Variants in FUBP3 observed in about 807,000 individuals in gnomAD.
FUBP3 encodes far upstream element-binding protein 3.
Under a neutral mutation model 85.6 loss-of-function variants are expected in FUBP3, and 28 were observed. The ratio of observed to expected loss-of-function variants is 0.33; its 90% CI spans 0.24 to 0.45. FUBP3 has a LOEUF of 0.45. FUBP3 is among the 20% of genes least tolerant of loss of function. FUBP3 has a pLI of 1.00. For synonymous variants in FUBP3, 271 were observed against 271.4 expected (o/e 1.00, Z 0.01); for missense variants, 583 against 755.1 (o/e 0.77, Z 2.67).
intron 1 of FUBP3, among the ~76,000 whole-genome samples, chr9:130,590,006 C>T (rs1830549020): frequency 6.8e-6 from 1 of 146,154 alleles, no homozygotes; most frequent in Non-Finnish European, 1.5e-5. Context: ...TGAGCCACCA[C>T]ACCCGGCCTA....
At chr9:130,632,455 T>G (rs1241944026) in intron 16 of FUBP3, among the ~76,000 whole-genome samples, 177 bp downstream of exon 16, 2 of 152,214 alleles carry the variant, frequency 1.3e-5, no homozygotes, top group African/African-American at 4.8e-5. Flanking sequence ...CCAGGGGTTG[T>G]GCATGCTCAG....
intron 1 of FUBP3, among the ~76,000 whole-genome samples, chr9:130,593,079 C>A (rs1470416176): frequency 6.6e-6 from 1 of 152,202 alleles, no homozygotes; most frequent in East Asian, 1.9e-4. Flanking sequence ...ACAAGTTCCT[C>A]TGCCTAGAAC....
At chr9:130,629,231 C>T (rs572027151) in intron 12 of FUBP3, among the ~76,000 whole-genome samples, 2 of 152,308 alleles carry the variant, frequency 1.3e-5, no homozygotes, top group African/African-American at 4.8e-5. Flanking sequence ...TGGGTGCTGG[C>T]CCGGTGTCCC....
At chr9:130,617,676 A>G (rs1188899133) in intron 7 of FUBP3, 121 bp from the exon 8 acceptor site, 5 of 750,286 alleles carry the variant, frequency 6.7e-6, no homozygotes, top group African/African-American at 1.7e-5. Context: ...GTTGGAAGGC[A>G]GTCCCTGGTG....
In FUBP3 at chr9:130,630,784, T is replaced by C. The variant is rs1830179806; in HGVS notation, c.1274T>C (p.Val425Ala). Reference sequence around the variant, plus strand: ...GCCAGGCAGCTCATAGATGAGAAAGTTGGCGTACGTACAGGGTCCTTCCCC... The same window carrying C: ...GCCAGGCAGCTCATAGATGAGAAAGCTGGCGTACGTACAGGGTCCTTCCCC... Reference protein sequence around the residue: ...EVARQLIDEKVGGTNLGAPGA... With the variant: ...EVARQLIDEKAGGTNLGAPGA... Residue 425 changes from valine to alanine, a missense_variant, in exon 13 of 19, where the codon GTT becomes GCT. Val to Ala is a moderately conservative substitution (Grantham distance 64). This residue lies in a region of FUBP3 where 404 missense variants were observed against 516.8 expected (regional missense o/e 0.78). Coordinates refer to ENST00000319725, the MANE Select transcript of FUBP3 (RefSeq NM_003934.2). 1 of 1,500,856 alleles carries C rather than the reference T, an allele frequency of 6.7e-7. No individual in the cohort carries two copies. Among genetic ancestry groups the C allele is most frequent in the Non-Finnish European group, 8.9e-7 (1 of 1,126,800 alleles). 93.0% of individuals were successfully genotyped at this position (1,500,856 alleles called of 1,614,324 possible). A position where few individuals can be genotyped will look rare whatever the true frequency, so the allele number is the denominator to read the frequency against.
intron 1 of FUBP3, 117 bp downstream of exon 1, chr9:130,579,881 C>A: frequency 3.4e-6 from 2 of 585,826 alleles, no homozygotes; most frequent in African/African-American, 1.9e-5. Flanking sequence ...CTCAGCCGGG[C>A]CGGGCCGTTC....
At chr9:130,591,010 T>TG (rs1274583261) in intron 1 of FUBP3, among the ~76,000 whole-genome samples, 4 of 86,550 alleles carry the variant, frequency 4.6e-5, no homozygotes, top group Non-Finnish European at 9.0e-5. Flanking sequence ...TTTTTGTTTG[T>TG]TTTTGTTTTT....
At chr9:130,633,216 T>C (rs1459329482) in intron 16 of FUBP3, among the ~76,000 whole-genome samples, 1 of 152,254 alleles carries the variant, frequency 6.6e-6, no homozygotes, top group Non-Finnish European at 1.5e-5. Context: ...GCTCTGAAAT[T>C]GTATAGTTGT....
intron 12 of FUBP3, among the ~76,000 whole-genome samples, chr9:130,629,554 C>T (rs1830128157): frequency 1.3e-5 from 2 of 152,156 alleles, no homozygotes; most frequent in African/African-American, 4.8e-5. Context: ...TCCCTACTGG[C>T]CCGATAGGCT....
In FUBP3 at chr9:130,621,797, C is replaced by T. The variant is rs995785455; in HGVS notation, c.772-911C>T. ...ACGCGTGCCTGTAGTCCCAGCTACT[C>T]GGGAGGCTGAGGCAGGAGAATGGCG... On this transcript the variant is annotated intron_variant, in intron 9 of 18. Transcript: ENST00000319725. Among the ~76,000 whole-genome samples, 4 of 151,148 alleles carry T rather than the reference C, an allele frequency of 2.6e-5. No individual in the cohort carries two copies. In the South Asian group the frequency reaches 6.3e-4, roughly 24 times the overall value.
intron 3 of FUBP3, among the ~76,000 whole-genome samples, chr9:130,610,765 C>A (rs924987747): frequency 6.6e-6 from 1 of 152,146 alleles, no homozygotes; most frequent in Non-Finnish European, 1.5e-5. Context: ...TGTATTCTGC[C>A]TAGGTGTTTG....
rs1176834774 is a variant in FUBP3 at position 130,589,685 on chromosome 9, A to T, written c.85-5798A>T. Reference sequence around the variant, plus strand: ...TGTATGTATGTGTGTGTATATATATATATATATATATATATATATATTTTT... The same window carrying T: ...TGTATGTATGTGTGTGTATATATATTTATATATATATATATATATATTTTT... On this transcript the variant is annotated intron_variant, in intron 1 of 18. Coordinates refer to ENST00000319725, the MANE Select transcript of FUBP3 (RefSeq NM_003934.2). 2.4e-4 allele frequency among the ~76,000 whole-genome samples: 6 copies of T among 24,818 alleles called. 2 individuals are homozygous for T. The highest frequency in any genetic ancestry group is 2.1e-4 in the African/African-American group (1 of 4,768). 16.3% of individuals were successfully genotyped at this position (24,818 alleles called of 152,430 possible).
At chr9:130,630,551 TG>T in intron 12 of FUBP3, 76 bp from the exon 13 acceptor site, 1 of 1,218,884 alleles carries the variant, frequency 8.2e-7, no homozygotes, top group Non-Finnish European at 1.1e-6. Flanking sequence ...AGTTGTCTTC[TG>T]GAGCCAAGTG....
In FUBP3 at chr9:130,636,282, G is replaced by A. The variant is rs190668658; in HGVS notation, c.1710+156G>A. The A allele has an allele frequency of 2.7e-4, 208 of 774,704 alleles. 1 individual carries two copies. In the East Asian group the frequency reaches 4.4e-3, roughly 16 times the overall value. 48.0% of individuals were successfully genotyped at this position (774,704 alleles called of 1,614,324 possible). The stretch of plus-strand genomic sequence containing the variant: ...GCGAGGCTGCTTCTGCTGAGAGCCC[G>A]GCTCCAGCCCCTCTGTCCCTCCTCG... On this transcript the variant is annotated intron_variant, in intron 18 of 18. Coordinates refer to ENST00000319725, the MANE Select transcript of FUBP3 (RefSeq NM_003934.2).
intron 11 of FUBP3, among the ~76,000 whole-genome samples, chr9:130,625,724 C>G (rs946743970): frequency 6.6e-6 from 1 of 152,188 alleles, no homozygotes; most frequent in Admixed American, 6.5e-5. Context: ...AGAGACTTCT[C>G]CAGCCCCACA....
At chr9:130,580,575 GTCC>G (rs985811329) in intron 1 of FUBP3, 2 of 152,160 alleles carry the variant, frequency 1.3e-5, no homozygotes, top group African/African-American at 2.4e-5. Context: ...AGTGTCTTAT[GTCC>G]TCCTCTCTTC....
chr9:130,605,346 C>T (rs1588134916), intron 2 of FUBP3, among the ~76,000 whole-genome samples: 2 of 152,240 alleles, frequency 1.3e-5, no homozygotes, highest in African/African-American at 2.4e-5. Flanking sequence ...ACCTGGAAGG[C>T]GCTGACTTGT....
At chr9:130,626,172 T>A (rs1829963315) in intron 11 of FUBP3, 192 bp from the exon 12 acceptor site, 1 of 596,024 alleles carries the variant, frequency 1.7e-6, no homozygotes, top group Non-Finnish European at 2.9e-6. Flanking sequence ...GCACAGGTCC[T>A]CCCCAGATAC....
Position 130,612,404 on chromosome 9 carries a change from G to T in FUBP3, c.225-52G>T. On this transcript the variant is annotated intron_variant, in intron 3 of 18. Transcript: ENST00000319725. This position sits in a 1 kb window ranked among gnomAD's most constrained non-coding sequence, Gnocchi z 4.1. ...ATGGGCAGTTTGGGGACCTAAAATGGCTGCAAAAGTCTGTATTCTGTATTT... is the reference window on the plus strand; with the variant it reads ...ATGGGCAGTTTGGGGACCTAAAATGTCTGCAAAAGTCTGTATTCTGTATTT... The T allele has an allele frequency of 1.7e-6, 2 of 1,178,954 alleles. No individual in the cohort carries two copies. Among genetic ancestry groups the T allele is most frequent in the Non-Finnish European group, 2.5e-6 (2 of 794,578 alleles). The allele number at this position is 1,178,954 out of a possible 1,614,324, so 73.0% of individuals were successfully genotyped here. A position where few individuals can be genotyped will look rare whatever the true frequency, so the allele number is the denominator to read the frequency against.
Sources: allele counts gnomAD v4.1 joint callset (sites outside exome capture counted in the v4.1 genomes callset), GRCh38; gene constraint gnomAD v4.1.1; regional missense constraint gnomAD v4.1.1; non-coding constraint Gnocchi (gnomAD v3.1); transcripts MANE v1.5; gene names NCBI Gene and HGNC (gene_info 2026-07-23, HGNC 2026-07-21).